Variants in ZFHX3 observed in about 807,000 individuals in gnomAD.
ZFHX3 encodes zinc finger homeobox protein 3.
Under a neutral mutation model 279.1 loss-of-function variants are expected in ZFHX3, and 42 were observed. The ratio of observed to expected loss-of-function variants is 0.15; its 90% CI spans 0.12 to 0.19. The LOEUF (loss-of-function observed/expected upper bound fraction) is 0.19, where lower values mean the gene tolerates loss of function less well. Among genes scored for constraint, ZFHX3 ranks in the 10% least tolerant of loss-of-function variants. ZFHX3 has a pLI of 1.00. For missense variants in ZFHX3, 4,981 were observed against 4,754.0 expected, an observed-to-expected ratio of 1.05 and a Z score of -1.40; for synonymous variants, 2,293 against 1,957.8, an observed-to-expected ratio of 1.17 and a Z score of -4.52.
intron 5 of ZFHX3, among the ~76,000 whole-genome samples, chr16:73,221,589 T>C (rs1391110066): frequency 1.3e-5 from 2 of 151,618 alleles, no homozygotes; most frequent in Non-Finnish European, 2.9e-5. Flanking sequence ...AAGCCACCTG[T>C]TCCCCAAAAA....
rs113992185 is a variant in ZFHX3 at position 73,144,324 on chromosome 16, C to A, written c.-1103-493G>T. ...TGAACACTTGCCTCGTTTTCCATTC[C>A]TCTTTCCCTGGGTAGCTGCGGTGAG... On this transcript the variant is annotated intron_variant, in intron 5 of 17. Coordinates refer to the ZFHX3 transcript ENST00000641206. 2.1e-3 allele frequency: 323 copies of A among 153,318 alleles called. 1 individual carries two copies. The Middle Eastern group carries it at 0.027, about 13-fold the overall frequency. 9.5% of individuals were successfully genotyped at this position (153,318 alleles called of 1,614,324 possible).
intron 3 of ZFHX3, among the ~76,000 whole-genome samples, chr16:72,935,319 G>A (rs1160642789): frequency 2.7e-5 from 4 of 150,928 alleles, no homozygotes; most frequent in Non-Finnish European, 5.9e-5. Flanking sequence ...ATGGGACTAA[G>A]TAAGCATCAT....
At position 73,334,239 on chromosome 16, in the gene ZFHX3, A is replaced by T. The variant is rs182388509; in HGVS notation, c.-1290-15903T>A. ...GCTTCATCGCTGCCTCTCTGCTGAGAATAAGCCACACGGGCTGAGCAGGGA... is the reference window on the plus strand; with the variant it reads ...GCTTCATCGCTGCCTCTCTGCTGAGTATAAGCCACACGGGCTGAGCAGGGA... On this transcript the variant is annotated intron_variant, in intron 3 of 17. Coordinates refer to the ZFHX3 transcript ENST00000641206. 2.0e-5 allele frequency among the ~76,000 whole-genome samples: 3 copies of T among 152,166 alleles called. No individual in the cohort carries two copies. In the East Asian group the frequency reaches 5.8e-4, roughly 29 times the overall value.
chr16:73,188,636 G>A (rs965621340), intron 5 of ZFHX3, among the ~76,000 whole-genome samples: 6 of 152,186 alleles, frequency 3.9e-5, no homozygotes, highest in African/African-American at 1.4e-4. Flanking sequence ...GGTCCTGCAT[G>A]TTGTAGAATA....
rs1009521762 is a variant in ZFHX3 at position 73,258,893 on chromosome 16, G to A, written c.-1193-1757C>T. Among the ~76,000 whole-genome samples, 34 of 152,116 alleles carry A rather than the reference G, an allele frequency of 2.2e-4. 1 individual carries two copies. Among genetic ancestry groups the A allele is most frequent in the Non-Finnish European group, 1.2e-4 (8 of 68,020 alleles). ...GCTGCCATGCCGTTCCCGGGTAAGA[G>A]TTTACATTTTCTTACATGTACCTGA... is the stretch of plus-strand genomic sequence containing the variant. On this transcript the variant is annotated intron_variant, in intron 4 of 17. Transcript: ENST00000641206.
At chr16:73,090,929 A>AAAAAAAAAAG (rs1966070031) in intron 8 of ZFHX3, among the ~76,000 whole-genome samples, 1 of 109,820 alleles carries the variant, frequency 9.1e-6, no homozygotes, top group African/African-American at 3.1e-5. Context: ...AAAAAAAAAA[A>AAAAAAAAAAG]GGCAAGGCAT....
chr16:73,297,628 C>T (rs544619270), intron 4 of ZFHX3, among the ~76,000 whole-genome samples: 1 of 152,058 alleles, frequency 6.6e-6, no homozygotes, highest in East Asian at 1.9e-4. Flanking sequence ...ACATGTAGCC[C>T]TGATACCTCA....
intron 8 of ZFHX3, among the ~76,000 whole-genome samples, chr16:73,081,891 C>A (rs1033059178): frequency 6.8e-6 from 1 of 146,652 alleles, no homozygotes; most frequent in East Asian, 2.0e-4. Context: ...AGCTGGAGTG[C>A]GGTGGCACGA....
chr16:72,891,812 G>T (rs2038779705), intron 3 of ZFHX3, among the ~76,000 whole-genome samples: 1 of 152,184 alleles, frequency 6.6e-6, no homozygotes, highest in South Asian at 2.1e-4. Context: ...AGTCAGCCAA[G>T]CCTGGCCCAT....
chr16:73,431,040 G>T (rs1158147824), intron 3 of ZFHX3, among the ~76,000 whole-genome samples: 1 of 152,174 alleles, frequency 6.6e-6, no homozygotes, highest in Non-Finnish European at 1.5e-5. Flanking sequence ...CAAGTTTTGT[G>T]ATAAAGAAGG....
chr16:73,250,778 C>A (rs936125486), intron 5 of ZFHX3, among the ~76,000 whole-genome samples: 4 of 152,158 alleles, frequency 2.6e-5, no homozygotes, highest in Non-Finnish European at 4.4e-5. Flanking sequence ...TCATGATCCG[C>A]CCGCCTCAGG....
At chr16:73,070,906 AGACCGTCTTGCGCGC>A (rs1965815726) in intron 8 of ZFHX3, among the ~76,000 whole-genome samples, 1 of 133,316 alleles carries the variant, frequency 7.5e-6, no homozygotes, top group African/African-American at 2.9e-5. Flanking sequence ...GCTGGTTCCT[AGACCGTCTTGCGCGC>A]GCGCGCGCGC....
intron 3 of ZFHX3, among the ~76,000 whole-genome samples, chr16:73,417,706 C>G (rs2017618895): frequency 6.6e-6 from 1 of 151,502 alleles, no homozygotes; most frequent in South Asian, 2.1e-4. Context: ...GTGGCTCACG[C>G]CTGTAATCCC....
intron 5 of ZFHX3, among the ~76,000 whole-genome samples, chr16:73,241,901 A>AGTATTGT (rs1435795824): frequency 2.7e-5 from 4 of 150,842 alleles, no homozygotes; most frequent in Admixed American, 2.7e-4. Flanking sequence ...CTCTCTTATT[A>AGTATTGT]GTATTGTGAT....
intron 2 of ZFHX3, among the ~76,000 whole-genome samples, chr16:73,660,660 C>T (rs974860232): frequency 3.3e-5 from 5 of 152,010 alleles, no homozygotes; most frequent in East Asian, 1.9e-4. Context: ...TGTAGCCCCA[C>T]GAGAAACACA....
At chr16:73,474,212 A>T (rs549919548) in intron 2 of ZFHX3, among the ~76,000 whole-genome samples, 1 of 152,134 alleles carries the variant, frequency 6.6e-6, no homozygotes, top group African/African-American at 2.4e-5. Flanking sequence ...CAGTGGCATG[A>T]TCTCAGCTCA....
chr16:73,171,825 G>A (rs1046713722), intron 5 of ZFHX3, among the ~76,000 whole-genome samples: 1 of 152,088 alleles, frequency 6.6e-6, no homozygotes, highest in Non-Finnish European at 1.5e-5. Flanking sequence ...AACCTTTGGG[G>A]TTGAATGGGC....
At chr16:73,598,052 G>T (rs1274279797) in intron 2 of ZFHX3, among the ~76,000 whole-genome samples, 2 of 152,172 alleles carry the variant, frequency 1.3e-5, no homozygotes, top group African/African-American at 4.8e-5. Flanking sequence ...TACTTCAAAT[G>T]TGATTCAATA....
intron 4 of ZFHX3, among the ~76,000 whole-genome samples, chr16:72,847,959 CTG>C (rs1312115666): frequency 7.2e-5 from 11 of 152,148 alleles, no homozygotes; most frequent in Non-Finnish European, 1.2e-4. Flanking sequence ...ATCAGGAGAA[CTG>C]TGTTTTGGGG....
Sources: allele counts gnomAD v4.1 joint callset (sites outside exome capture counted in the v4.1 genomes callset), GRCh38; gene constraint gnomAD v4.1.1; transcripts MANE v1.5; gene names NCBI Gene and HGNC (gene_info 2026-07-23, HGNC 2026-07-21).